The following ATOSA variants were observed in gnomAD, a reference collection of about 807,000 sequenced individuals.
The protein encoded by ATOSA is atos homolog protein A.
At chr15:52,695,913 G>A in the ATOSA span, among the ~76,000 whole-genome samples, 34 of 152,250 alleles carry the variant, frequency 2.2e-4, no homozygotes, top group Admixed American at 6.5e-4. Flanking sequence ...TCCCTTATAT[G>A]CTTGTGAAGA....
the ATOSA span, among the ~76,000 whole-genome samples, chr15:52,677,012 A>T: frequency 6.6e-6 from 1 of 152,204 alleles, no homozygotes; most frequent in Non-Finnish European, 1.5e-5. Context: ...ACTAATTTAA[A>T]TCACTAAATT....
At chr15:52,665,151 G>A in the ATOSA span, among the ~76,000 whole-genome samples, 1 of 152,136 alleles carries the variant, frequency 6.6e-6, no homozygotes, top group Non-Finnish European at 1.5e-5. Flanking sequence ...AAATACCTAT[G>A]GGTACTATGC....
chr15:52,660,379 C>T, the ATOSA span, among the ~76,000 whole-genome samples: 4 of 152,194 alleles, frequency 2.6e-5, no homozygotes, highest in Non-Finnish European at 5.9e-5. Context: ...ATGCCAGACT[C>T]TTTCTAAATT....
At chr15:52,705,500 A>G in the ATOSA span, among the ~76,000 whole-genome samples, 1 of 150,850 alleles carries the variant, frequency 6.6e-6, no homozygotes, top group East Asian at 2.0e-4. Context: ...AACTTAAAGC[A>G]TAATAATATA....
the ATOSA span, among the ~76,000 whole-genome samples, chr15:52,665,953 T>G: frequency 6.6e-6 from 1 of 152,162 alleles, no homozygotes; most frequent in Non-Finnish European, 1.5e-5. Flanking sequence ...AAAAGTTTCC[T>G]AAACAGTATA....
the ATOSA span, chr15:52,587,062 T>C: frequency 6.3e-7 from 1 of 1,592,086 alleles, no homozygotes; most frequent in Non-Finnish European, 8.5e-7. Context: ...TTACCAAAGT[T>C]GTTGCAGCAG....
the ATOSA span, among the ~76,000 whole-genome samples, chr15:52,680,267 T>G: frequency 6.6e-6 from 1 of 152,030 alleles, no homozygotes; most frequent in Non-Finnish European, 1.5e-5. Flanking sequence ...TAACAAGCGC[T>G]GCAGCTATTA....
the ATOSA span, among the ~76,000 whole-genome samples, chr15:52,612,930 A>G: frequency 6.6e-6 from 1 of 152,236 alleles, no homozygotes; most frequent in African/African-American, 2.4e-5. Context: ...TGTTACACAA[A>G]AACATTAACA....
At chr15:52,706,989 C>A in the ATOSA span, among the ~76,000 whole-genome samples, 7 of 152,234 alleles carry the variant, frequency 4.6e-5, no homozygotes, top group Admixed American at 4.6e-4. Context: ...ACAACTCTGA[C>A]TATACTAAAA....
the ATOSA span, among the ~76,000 whole-genome samples, chr15:52,592,021 C>CTTAGA: frequency 2.2e-4 from 33 of 152,242 alleles, no homozygotes; most frequent in African/African-American, 7.7e-4. Context: ...AAATCTTCAC[C>CTTAGA]CTTAGAATGG....
the ATOSA span, among the ~76,000 whole-genome samples, chr15:52,630,286 G>A: frequency 1.3e-5 from 2 of 152,078 alleles, no homozygotes; most frequent in Admixed American, 1.3e-4. Context: ...CAGGCATTAC[G>A]AAGGTTCCTA....
chr15:52,593,878 A>G, the ATOSA span: 1 of 859,038 alleles, frequency 1.2e-6, no homozygotes, highest in Non-Finnish European at 1.7e-6. Flanking sequence ...GCACTAGAAC[A>G]GTGGTTGTTA....
the ATOSA span, among the ~76,000 whole-genome samples, chr15:52,630,756 A>G: frequency 4.6e-5 from 7 of 152,198 alleles, no homozygotes; most frequent in African/African-American, 1.7e-4. Context: ...ACTGTCTATA[A>G]CAACAAAATT....
chr15:52,678,285 T>C, the ATOSA span: 1 of 597,840 alleles, frequency 1.7e-6, no homozygotes, highest in Non-Finnish European at 3.0e-6. Flanking sequence ...CCCCATCTCC[T>C]CCGGATCGAG....
the ATOSA span, among the ~76,000 whole-genome samples, chr15:52,589,629 G>A: frequency 2.0e-5 from 3 of 152,104 alleles, no homozygotes; most frequent in East Asian, 5.8e-4. Context: ...TAGTAGCATT[G>A]GCAAGTTAGG....
the ATOSA span, among the ~76,000 whole-genome samples, chr15:52,589,254 T>A: frequency 1.3e-5 from 2 of 152,234 alleles, no homozygotes; most frequent in Admixed American, 6.5e-5. Context: ...CACTTTTTTT[T>A]AAATGAGCAG....
At chr15:52,609,907 A>G in the ATOSA span, 1 of 1,611,352 alleles carries the variant, frequency 6.2e-7, no homozygotes, top group East Asian at 2.2e-5. Flanking sequence ...AAATGATTTT[A>G]AAGTTCTCAC....
chr15:52,608,586 T>C, the ATOSA span: 11 of 1,576,772 alleles, frequency 7.0e-6, no homozygotes, highest in Admixed American at 1.8e-4. Context: ...CTGTATTTTT[T>C]GGTTGCTCAC....
At chr15:52,628,773 C>G in the ATOSA span, among the ~76,000 whole-genome samples, 1 of 151,564 alleles carries the variant, frequency 6.6e-6, no homozygotes, top group African/African-American at 2.4e-5. Flanking sequence ...ATAATTTTAA[C>G]TGAAGTGCCA....
Sources: gnomAD v4.1 joint callset for allele counts (sites outside exome capture counted in the v4.1 genomes callset) on GRCh38, gnomAD v4.1.1 for gene constraint, MANE v1.5 for transcripts, NCBI Gene and HGNC (gene_info 2026-07-23, HGNC 2026-07-21) for gene names.